Variants in CUX2 observed in about 807,000 individuals in gnomAD.
The protein encoded by CUX2 is homeobox protein cut-like 2.
In CUX2, 40 loss-of-function variants were observed where a neutral mutation model predicts 144.8. The ratio of observed to expected loss-of-function variants is 0.28; its 90% CI spans 0.21 to 0.36. The LOEUF (loss-of-function observed/expected upper bound fraction) is 0.36. Among genes scored for constraint, CUX2 ranks in the 10% least tolerant of loss-of-function variants. The pLI, the probability that CUX2 is intolerant of heterozygous loss-of-function variation, is 1.00. For missense variants in CUX2, 1,615 were observed against 1,994.0 expected (o/e 0.81, Z 3.62); for synonymous variants, 827 against 875.6 (o/e 0.94, Z 0.98).
chr12:111,115,762 C>G (rs1158690721), intron 1 of CUX2, among the ~76,000 whole-genome samples: 1 of 152,154 alleles, frequency 6.6e-6, no homozygotes, highest in East Asian at 1.9e-4. Flanking sequence ...CTTCTTGGAA[C>G]TAATCACAGT....
intron 8 of CUX2, among the ~76,000 whole-genome samples, chr12:111,296,906 T>A (rs1208316445): frequency 2.9e-5 from 4 of 138,368 alleles, no homozygotes; most frequent in African/African-American, 1.1e-4. Flanking sequence ...AGAGGCCTCC[T>A]ACCTCTGACC....
rs1883788227 is a variant in CUX2, at chr12:111,255,814, G to A, written c.223-7947G>A. Among the ~76,000 whole-genome samples, 1 of 152,216 alleles carries A rather than the reference G, an allele frequency of 6.6e-6. No individual in the cohort carries two copies. On this transcript the variant is annotated intron_variant, in intron 3 of 21. Transcript: ENST00000261726. The surrounding 1 kb of genome is among the most constrained non-coding windows in gnomAD (Gnocchi z 4.1). The stretch of plus-strand genomic sequence containing the variant: ...ATAATGCACAAATCAGCCAATCGAA[G>A]TAGCTGTTACCCCCATTTTCCGGGT...
chr12:111,312,102 A>C lies in CUX2; in HGVS notation c.1903A>C (p.Ser635Arg). The change falls in exon 16 of 22, where the codon AGC becomes CGC. Residue 635 changes from serine (S) to arginine (R), a missense_variant and splice_region_variant. Ser to Arg is a moderately radical substitution (Grantham distance 110). Around this residue, in one of 12 missense-constraint regions of CUX2, gnomAD observed 71 missense variants for 142.3 expected, o/e 0.50. Transcript: ENST00000261726. This position sits in a 1 kb window ranked among gnomAD's most constrained non-coding sequence, Gnocchi z 4.3. The part of the protein sequence containing the change: ...LRTIQVRQRG[S>R]ITPRIRTPET... ...CAGATGCCTTCTTGCCTCCCCAGGC[A>C]GCATCACCCCGAGAATCCGCACGCC... is the stretch of plus-strand genomic sequence containing the variant. 6.2e-7 allele frequency: 1 copy of C among 1,608,196 alleles called. No individual in the cohort carries two copies. The highest frequency in any genetic ancestry group is 8.5e-7 in the Non-Finnish European group (1 of 1,175,516).
chr12:111,252,920 T>C (rs1883633108), intron 3 of CUX2, among the ~76,000 whole-genome samples: 1 of 151,790 alleles, frequency 6.6e-6, no homozygotes, highest in African/African-American at 2.4e-5. Context: ...GAATGAATGA[T>C]TATCCAGTTG....
chr12:111,200,519 G>T lies in CUX2; in HGVS notation c.64-13681G>T, dbSNP rs903016258. The stretch of plus-strand genomic sequence containing the variant: ...CTTGGACACTGTTTGTGGAGTGCTG[G>T]GGGGAGGCTAGGATGGGAGCTTCTG... On this transcript the variant is annotated intron_variant, in intron 1 of 21. Transcript: ENST00000261726. 2.6e-5 allele frequency among the ~76,000 whole-genome samples: 4 copies of T among 151,990 alleles called. No homozygotes were observed. In the South Asian group the frequency reaches 8.3e-4, roughly 32 times the overall value.
chr12:111,167,955 A>G (rs1311081618), intron 1 of CUX2, among the ~76,000 whole-genome samples: 1 of 152,006 alleles, frequency 6.6e-6, no homozygotes, highest in Non-Finnish European at 1.5e-5. Flanking sequence ...CTGCCTCCCA[A>G]AGTGCTGGGA....
chr12:111,330,718 T>TATATATATATACATACATATAC (rs1565926208), intron 18 of CUX2, among the ~76,000 whole-genome samples: 1 of 43,558 alleles, frequency 2.3e-5, no homozygotes, highest in African/African-American at 1.1e-4. Flanking sequence ...TATATATATA[T>TATATATATATACATACATATAC]ATATATATAT....
rs545119739 is a variant in CUX2, at chr12:111,190,332, G to A, written c.64-23868G>A. On this transcript the variant is annotated intron_variant, in intron 1 of 21. Coordinates refer to ENST00000261726, the MANE Select transcript of CUX2 (RefSeq NM_015267.4). The surrounding 1 kb of genome is among the most constrained non-coding windows in gnomAD (Gnocchi z 4.0). ...TCAGGACTCGGGAGTAGGGTGCAGA[G>A]GTTCCCATTTTGCCCGTCCTAACCA... Among the ~76,000 whole-genome samples, 1 of 152,174 alleles carries A rather than the reference G, an allele frequency of 6.6e-6. No individual in the cohort carries two copies. The highest frequency in any genetic ancestry group is 2.4e-5 in the African/African-American group (1 of 41,496).
In CUX2 at chr12:111,350,157, A is replaced by T. The variant is rs1181206508; in HGVS notation, c.*1832A>T. 1 of 152,516 alleles carries T rather than the reference A, an allele frequency of 6.6e-6. No individual in the cohort carries two copies. The highest frequency in any genetic ancestry group is 2.4e-5 in the African/African-American group (1 of 41,456). The allele number at this position is 152,516 out of a possible 1,614,324, so 9.4% of individuals were successfully genotyped here. ...AGGAAACAGTGACCATTTTCAGAGTAATCAAATCTGGAACAAATGAAACAT... is the reference window on the plus strand; with the variant it reads ...AGGAAACAGTGACCATTTTCAGAGTTATCAAATCTGGAACAAATGAAACAT... On this transcript the variant is annotated 3_prime_UTR_variant, in exon 22 of 22. Coordinates refer to ENST00000261726, the MANE Select transcript of CUX2 (RefSeq NM_015267.4).
At chr12:111,319,648 C>T (rs897940081) in intron 16 of CUX2, among the ~76,000 whole-genome samples, 2 of 152,190 alleles carry the variant, frequency 1.3e-5, no homozygotes, top group African/African-American at 4.8e-5. Flanking sequence ...AGGAGAATTG[C>T]TGGAAGTGGG....
At chr12:111,319,222 G>A (rs1305155061) in intron 16 of CUX2, among the ~76,000 whole-genome samples, 5 of 151,976 alleles carry the variant, frequency 3.3e-5, no homozygotes, top group Non-Finnish European at 7.4e-5. Context: ...GCCCAGGCAG[G>A]AGAATCACTT....
At chr12:111,235,128 G>T (rs1882673955) in intron 3 of CUX2, among the ~76,000 whole-genome samples, 1 of 152,178 alleles carries the variant, frequency 6.6e-6, no homozygotes, top group Non-Finnish European at 1.5e-5. Context: ...TGTTCAGCAT[G>T]ATACTAGCAC....
At position 111,063,563 on chromosome 12, in the gene CUX2, G is replaced by C. The variant is rs180673681; in HGVS notation, c.63+29323G>C. The stretch of plus-strand genomic sequence containing the variant: ...GTTGGCCTCATGGGGCCTGCACTTT[G>C]AGATACGGTGGGCTTCCGTTTTAGA... On this transcript the variant is annotated intron_variant, in intron 1 of 21. Coordinates refer to ENST00000261726, the MANE Select transcript of CUX2 (RefSeq NM_015267.4). 3.6e-3 allele frequency among the ~76,000 whole-genome samples: 549 copies of C among 152,342 alleles called. 5 individuals are homozygous for C. The highest frequency in any genetic ancestry group is 0.013 in the African/African-American group (520 of 41,578).
Position 111,348,148 on chromosome 12 carries a change from C to A in CUX2, c.4284C>A (p.Pro1428=), listed in dbSNP as rs201395094. The change falls in exon 22 of 22, where the codon CCC becomes CCA. Residue 1428 remains proline (P), a synonymous_variant. Coordinates refer to ENST00000261726, the MANE Select transcript of CUX2 (RefSeq NM_015267.4). ...APISPSPPGA[P]PAKVPSASPT... is the part of the protein sequence containing the mutation. ...TCTCCCCATCCCCACCTGGCGCCCC[C>A]CCTGCCAAAGTGCCGAGTGCCAGCC... The A allele has an allele frequency of 2.5e-6, 4 of 1,614,122 alleles. No individual in the cohort carries two copies. The highest frequency in any genetic ancestry group is 2.2e-5 in the East Asian group (1 of 44,880).
chr12:111,111,654 C>T (rs745311217), intron 1 of CUX2, among the ~76,000 whole-genome samples: 23 of 152,114 alleles, frequency 1.5e-4, no homozygotes, highest in East Asian at 1.9e-4. Flanking sequence ...TTAATAGGCC[C>T]GGGGGTACTT....
At chr12:111,344,029 G>T (rs991606196) in intron 21 of CUX2, among the ~76,000 whole-genome samples, 1 of 152,068 alleles carries the variant, frequency 6.6e-6, no homozygotes, top group Admixed American at 6.6e-5. Context: ...CTCCAGCCTG[G>T]GTGACAGAGT....
At chr12:111,303,505 G>A (rs1331137944) in intron 9 of CUX2, among the ~76,000 whole-genome samples, 4 of 151,726 alleles carry the variant, frequency 2.6e-5, no homozygotes, top group African/African-American at 9.7e-5. Context: ...GTGTGGTGGT[G>A]TGCACTTGTA....
chr12:111,259,658 G>A lies in CUX2; in HGVS notation c.223-4103G>A, dbSNP rs564706600. ...GCAGGCAAATCACTTGAGATCAGGAGTTCAAGACCAGCTTGAGCAATATGT... is the reference window on the plus strand; with the variant it reads ...GCAGGCAAATCACTTGAGATCAGGAATTCAAGACCAGCTTGAGCAATATGT... On this transcript the variant is annotated intron_variant, in intron 3 of 21. Coordinates refer to ENST00000261726, the MANE Select transcript of CUX2 (RefSeq NM_015267.4). 4.9e-4 allele frequency among the ~76,000 whole-genome samples: 75 copies of A among 152,144 alleles called. No individual in the cohort carries two copies. The South Asian group carries it at 0.015, about 29-fold the overall frequency.
At position 111,061,750 on chromosome 12, in the gene CUX2, T is replaced by C. The variant is rs1870782994; in HGVS notation, c.63+27510T>C. On this transcript the variant is annotated intron_variant, in intron 1 of 21. Coordinates refer to ENST00000261726, the MANE Select transcript of CUX2 (RefSeq NM_015267.4). This position sits in a 1 kb window ranked among gnomAD's most constrained non-coding sequence, Gnocchi z 4.2. ...CAGCCTGGCCCTGGCCCTGGGTATC[T>C]CTGGGTTTTTTGTCGTTTTCTTTTT... Among the ~76,000 whole-genome samples the C allele has an allele frequency of 6.6e-6, 1 of 152,072 alleles. No homozygotes were observed. The highest frequency in any genetic ancestry group is 2.4e-5 in the African/African-American group (1 of 41,314).
Sources: allele counts gnomAD v4.1 joint callset (sites outside exome capture counted in the v4.1 genomes callset), GRCh38; gene constraint gnomAD v4.1.1; regional missense constraint gnomAD v4.1.1; non-coding constraint Gnocchi (gnomAD v3.1); transcripts MANE v1.5; gene names NCBI Gene and HGNC (gene_info 2026-07-23, HGNC 2026-07-21).